SDHAF3: variants seen among roughly 807,000 people sequenced by gnomAD.
The protein encoded by SDHAF3 is succinate dehydrogenase complex assembly factor 3.
SDHAF3 carries 18 observed loss-of-function variants against 11.5 expected under a neutral mutation model. That is an observed-to-expected ratio of 1.56 (90% confidence interval 1.08 to 2.32). SDHAF3 has a LOEUF of 2.32. Among genes scored for constraint, SDHAF3 ranks in the 30% most tolerant of loss-of-function variants. The pLI, the probability that SDHAF3 is intolerant of heterozygous loss-of-function variation, is 0.00. For missense variants in SDHAF3, 200 were observed against 154.4 expected (o/e 1.30, Z -1.57); for synonymous variants, 72 against 59.3 (o/e 1.21, Z -0.99).
At chr7:97,152,885 T>C (rs1789246988) in intron 1 of SDHAF3, among the ~76,000 whole-genome samples, 1 of 152,112 alleles carries the variant, frequency 6.6e-6, no homozygotes, top group Non-Finnish European at 1.5e-5. Context: ...ACTCCTGACC[T>C]CAAGCAATGG....
chr7:97,166,750 G>A (rs1274466840), intron 1 of SDHAF3, among the ~76,000 whole-genome samples: 1 of 151,874 alleles, frequency 6.6e-6, no homozygotes, highest in Admixed American at 6.6e-5. Context: ...AGTTGGCGGG[G>A]GGGGCTTAGA....
rs371400535 is a variant in SDHAF3, at chr7:97,138,639, C to A, written c.174+20742C>A. 2.0e-4 allele frequency among the ~76,000 whole-genome samples: 30 copies of A among 152,284 alleles called. No individual in the cohort carries two copies. In the South Asian group the frequency reaches 5.8e-3, roughly 29 times the overall value. Reference sequence around the variant, plus strand: ...GGGTAATTTGATTAACCATTCTAAGCCTTGGTTTCCTCATCAGTAAAATGG... The same window carrying A: ...GGGTAATTTGATTAACCATTCTAAGACTTGGTTTCCTCATCAGTAAAATGG... On this transcript the variant is annotated intron_variant, in intron 1 of 1. Coordinates refer to ENST00000432641, the MANE Select transcript of SDHAF3 (RefSeq NM_020186.3).
intron 1 of SDHAF3, among the ~76,000 whole-genome samples, chr7:97,163,197 T>C (rs1262579144): frequency 1.4e-5 from 2 of 145,060 alleles, no homozygotes; most frequent in East Asian, 4.1e-4. Flanking sequence ...TAATTTTTAG[T>C]GCAGTGAAAT....
chr7:97,142,591 G>A (rs1789068521), intron 1 of SDHAF3: 2 of 152,074 alleles, frequency 1.3e-5, no homozygotes, highest in Non-Finnish European at 2.9e-5. Context: ...TATAGAACTA[G>A]TATCAAGCAT....
intron 1 of SDHAF3, among the ~76,000 whole-genome samples, chr7:97,140,780 C>T (rs1204489540): frequency 1.3e-5 from 2 of 152,138 alleles, no homozygotes; most frequent in East Asian, 1.9e-4. Flanking sequence ...GTGATGATTG[C>T]GTTAACTGCA....
intron 1 of SDHAF3, among the ~76,000 whole-genome samples, chr7:97,162,260 C>T (rs1584229055): frequency 2.0e-5 from 3 of 152,198 alleles, no homozygotes; most frequent in Admixed American, 2.0e-4. Context: ...ATCCTTTGCC[C>T]ATTTTTTTGA....
At chr7:97,149,406 A>G (rs939214987) in intron 1 of SDHAF3, among the ~76,000 whole-genome samples, 1 of 152,112 alleles carries the variant, frequency 6.6e-6, no homozygotes, top group African/African-American at 2.4e-5. Context: ...AATAAAAAGC[A>G]TTGCCAAACA....
chr7:97,180,687 G>A (rs745351324), intron 1 of SDHAF3, among the ~76,000 whole-genome samples: 54 of 152,136 alleles, frequency 3.5e-4, no homozygotes, highest in Non-Finnish European at 5.7e-4. Context: ...AATGATGTCC[G>A]TACTTGTGTA....
chr7:97,153,666 G>A (rs1415321010), intron 1 of SDHAF3, among the ~76,000 whole-genome samples: 1 of 152,210 alleles, frequency 6.6e-6, no homozygotes, highest in African/African-American at 2.4e-5. Context: ...ATTTCCACCA[G>A]CGGTGAATGA....
chr7:97,139,591 T>TAAAAG (rs1263370850), intron 1 of SDHAF3, among the ~76,000 whole-genome samples: 1 of 152,178 alleles, frequency 6.6e-6, no homozygotes, highest in Admixed American at 6.5e-5. Flanking sequence ...TAGCTTGACT[T>TAAAAG]TTAGGCTTTA....
intron 1 of SDHAF3, among the ~76,000 whole-genome samples, chr7:97,126,449 G>T (rs1298736416): frequency 6.6e-6 from 1 of 152,190 alleles, no homozygotes; most frequent in African/African-American, 2.4e-5. Context: ...GTGGCCCAGG[G>T]AGATGGGAGT....
At chr7:97,121,389 A>G (rs1475957792) in intron 1 of SDHAF3, among the ~76,000 whole-genome samples, 2 of 152,288 alleles carry the variant, frequency 1.3e-5, no homozygotes, top group East Asian at 3.9e-4. Flanking sequence ...AAGAGACTTC[A>G]TTTATTTTTC....
rs1791711112 is a variant in SDHAF3, at chr7:97,134,098, C to T, written c.174+16201C>T. On this transcript the variant is annotated intron_variant, in intron 1 of 1. Transcript: ENST00000432641. ...CTTTTCATGCAGCTGACTCCCTCCC[C>T]CCTTTCCAAAGCTCAGAATGGCAGC... Among the ~76,000 whole-genome samples the T allele has an allele frequency of 2.0e-5, 3 of 152,308 alleles. No homozygotes were observed. The South Asian group carries it at 6.2e-4, about 32-fold the overall frequency.
chr7:97,176,869 TAAC>T (rs1382412836), intron 1 of SDHAF3, among the ~76,000 whole-genome samples: 1 of 152,146 alleles, frequency 6.6e-6, no homozygotes, highest in African/African-American at 2.4e-5. Flanking sequence ...CACTCAGATT[TAAC>T]AAATATTAAT....
At chr7:97,155,036 A>G (rs1375832244) in intron 1 of SDHAF3, among the ~76,000 whole-genome samples, 1 of 152,218 alleles carries the variant, frequency 6.6e-6, no homozygotes, top group African/African-American at 2.4e-5. Flanking sequence ...AATCCTTAAC[A>G]TCAGAAAGAG....
chr7:97,125,254 T>C (rs1459529965), intron 1 of SDHAF3, among the ~76,000 whole-genome samples: 1 of 152,228 alleles, frequency 6.6e-6, no homozygotes, highest in East Asian at 1.9e-4. Context: ...TAGTTATTTC[T>C]TGTCTTCTGC....
At chr7:97,163,749 A>G (rs1211359966) in intron 1 of SDHAF3, among the ~76,000 whole-genome samples, 1 of 151,984 alleles carries the variant, frequency 6.6e-6, no homozygotes, top group African/African-American at 2.4e-5. Context: ...CATAGTGTTG[A>G]TGTTCTTTAC....
At chr7:97,180,390 G>C (rs1789751124) in intron 1 of SDHAF3, among the ~76,000 whole-genome samples, 1 of 152,140 alleles carries the variant, frequency 6.6e-6, no homozygotes, top group African/African-American at 2.4e-5. Context: ...AAAATTTTAA[G>C]TGGGAGCTAA....
chr7:97,123,089 T>C (rs1011053487), intron 1 of SDHAF3, among the ~76,000 whole-genome samples: 2 of 152,150 alleles, frequency 1.3e-5, no homozygotes, highest in Admixed American at 6.5e-5. Flanking sequence ...CAACCCATCA[T>C]GTAGGTTTTA....
Sources: gnomAD v4.1 joint callset for allele counts (sites outside exome capture counted in the v4.1 genomes callset) on GRCh38, gnomAD v4.1.1 for gene constraint, MANE v1.5 for transcripts, NCBI Gene and HGNC (gene_info 2026-07-23, HGNC 2026-07-21) for gene names.